ASIC2: variants seen among roughly 807,000 people sequenced by gnomAD.
ASIC2 encodes the protein acid sensing ion channel subunit 2, also known as acid-sensing ion channel 2.
A neutral mutation model predicts 57.3 loss-of-function variants in ASIC2; 25 were observed. The ratio of observed to expected loss-of-function variants is 0.44; its 90% CI spans 0.32 to 0.61. The LOEUF is 0.61. ASIC2 is among the 20% of genes least tolerant of loss of function. ASIC2 has a pLI of 0.06. For missense variants in ASIC2, 641 were observed against 738.1 expected (o/e 0.87, Z 1.52); for synonymous variants, 319 against 307.5 (o/e 1.04, Z -0.39).
intron 1 of ASIC2, among the ~76,000 whole-genome samples, chr17:33,741,034 G>A (rs1338335779): frequency 6.6e-6 from 1 of 152,168 alleles, no homozygotes; most frequent in Non-Finnish European, 1.5e-5. Context: ...TGTGCAGACT[G>A]CCAGGGAAGG....
chr17:33,870,921 T>C (rs1024073582), intron 1 of ASIC2, among the ~76,000 whole-genome samples: 8 of 152,202 alleles, frequency 5.3e-5, no homozygotes, highest in African/African-American at 1.9e-4. Flanking sequence ...AGGCAGGAGC[T>C]AGAGAGATAA....
chr17:33,984,413 T>A (rs1306176726), intron 1 of ASIC2: 4 of 152,180 alleles, frequency 2.6e-5, no homozygotes. Flanking sequence ...GCCCAGCAAT[T>A]TCACTCTGTT....
Position 33,307,958 on chromosome 17 carries a change from G to C in ASIC2, c.556-195891C>G, listed in dbSNP as rs375634943. Among the ~76,000 whole-genome samples, 390 of 152,278 alleles carry C rather than the reference G, an allele frequency of 2.6e-3. 2 individuals carry two copies. Among genetic ancestry groups the C allele is most frequent in the African/African-American group, 9.0e-3 (373 of 41,560 alleles). ...TGCACTTATCTCATAATTGTGCAAC[G>C]GTTGTTAGCTCCTGTTTTAAGATTT... On this transcript the variant is annotated intron_variant, in intron 1 of 9. Coordinates refer to the ASIC2 transcript ENST00000359872.
At chr17:33,419,584 C>T (rs9901960) in intron 1 of ASIC2, among the ~76,000 whole-genome samples, 5 of 152,180 alleles carry the variant, frequency 3.3e-5, no homozygotes, top group African/African-American at 9.7e-5. Flanking sequence ...GAAAATACAG[C>T]AATAGCTATT....
chr17:33,457,683 A>G (rs1912499059), intron 1 of ASIC2, among the ~76,000 whole-genome samples: 1 of 152,182 alleles, frequency 6.6e-6, no homozygotes, highest in African/African-American at 2.4e-5. Context: ...GGTGACGTCA[A>G]CACCTCAACA....
At chr17:33,536,370 A>G (rs1915230134) in intron 1 of ASIC2, among the ~76,000 whole-genome samples, 1 of 152,234 alleles carries the variant, frequency 6.6e-6, no homozygotes, top group African/African-American at 2.4e-5. Context: ...GTGAGAGCCG[A>G]CTGTCAAATT....
chr17:33,685,386 G>C (rs1020066670), intron 1 of ASIC2, among the ~76,000 whole-genome samples: 18 of 152,094 alleles, frequency 1.2e-4, no homozygotes, highest in African/African-American at 4.1e-4. Context: ...CAGCCAGAAG[G>C]CTTCTGTCTC....
Position 33,730,552 on chromosome 17 carries a change from C to G in ASIC2, c.555+425426G>C, listed in dbSNP as rs1399308359. On this transcript the variant is annotated intron_variant, in intron 1 of 9. Coordinates refer to the ASIC2 transcript ENST00000359872. ...GAGTGATCTAAAATTAACATATTGA[C>G]TACTTGAATATAAATGAACCATTCT... is the stretch of plus-strand genomic sequence containing the variant. Among the ~76,000 whole-genome samples, 4 of 152,234 alleles carry G rather than the reference C, an allele frequency of 2.6e-5. No homozygotes were observed. The South Asian group carries it at 6.2e-4, about 24-fold the overall frequency.
intron 1 of ASIC2, among the ~76,000 whole-genome samples, chr17:33,933,668 A>G (rs1217818305): frequency 6.6e-6 from 1 of 152,200 alleles, no homozygotes; most frequent in Non-Finnish European, 1.5e-5. Flanking sequence ...AGAAAATAAA[A>G]CCAAGAGAAA....
chr17:33,724,221 C>T (rs1045022971), intron 1 of ASIC2, among the ~76,000 whole-genome samples: 13 of 152,286 alleles, frequency 8.5e-5, no homozygotes, highest in South Asian at 6.2e-4. Flanking sequence ...CGAGGCCTCC[C>T]CAGCCACGAG....
intron 1 of ASIC2, among the ~76,000 whole-genome samples, chr17:33,832,443 G>A (rs1026513316): frequency 6.6e-6 from 1 of 152,182 alleles, no homozygotes; most frequent in African/African-American, 2.4e-5. Flanking sequence ...TGACCAGAAG[G>A]CCTAATGACA....
intron 1 of ASIC2, among the ~76,000 whole-genome samples, chr17:33,171,440 G>A (rs1905517666): frequency 6.6e-6 from 1 of 152,164 alleles, no homozygotes. Flanking sequence ...CACAAGTGTT[G>A]TCTTTCAACC....
At chr17:33,323,413 G>C (rs1174540562) in intron 1 of ASIC2, among the ~76,000 whole-genome samples, 1 of 152,152 alleles carries the variant, frequency 6.6e-6, no homozygotes, top group Non-Finnish European at 1.5e-5. Context: ...CTAAGGTTGA[G>C]TGAAAGAAGC....
intron 1 of ASIC2, among the ~76,000 whole-genome samples, chr17:33,223,593 G>A (rs1398780887): frequency 1.3e-5 from 2 of 152,358 alleles, no homozygotes; most frequent in African/African-American, 4.8e-5. Context: ...TGTACTTTGT[G>A]AAAAGAGTTC....
rs543676626 is a variant in ASIC2, at chr17:33,551,528, T to TA, written c.556-439462dup. Among the ~76,000 whole-genome samples the TA allele has an allele frequency of 1.5e-3, 233 of 152,300 alleles. 1 individual carries two copies. The highest frequency in any genetic ancestry group is 7.9e-3 in the East Asian group (41 of 5,184). ...GTACCAATGACCAATCAATGGCCAC[T>TA]AAGAATATCTTCTCTAGGATTCTGG... On this transcript the variant is annotated intron_variant, in intron 1 of 9. Coordinates refer to the ASIC2 transcript ENST00000359872.
At chr17:33,953,867 T>A (rs1377043827) in intron 1 of ASIC2, among the ~76,000 whole-genome samples, 1 of 152,118 alleles carries the variant, frequency 6.6e-6, no homozygotes, top group Non-Finnish European at 1.5e-5. Flanking sequence ...GAATAGAAAC[T>A]ATAGATTAAG....
intron 1 of ASIC2, among the ~76,000 whole-genome samples, chr17:33,461,577 G>A (rs769905566): frequency 5.3e-5 from 8 of 152,150 alleles, no homozygotes; most frequent in African/African-American, 9.7e-5. Context: ...GAAAAAGGGC[G>A]CATAATGACA....
At chr17:33,883,979 T>C (rs1914764506) in intron 1 of ASIC2, among the ~76,000 whole-genome samples, 1 of 152,190 alleles carries the variant, frequency 6.6e-6, no homozygotes, top group Admixed American at 6.5e-5. Flanking sequence ...GAGATTCAAA[T>C]TCAGGGAGTC....
chr17:34,129,743 T>A (rs1486574280), intron 1 of ASIC2, among the ~76,000 whole-genome samples: 2 of 152,214 alleles, frequency 1.3e-5, no homozygotes, highest in African/African-American at 4.8e-5. Flanking sequence ...CCTTTTATAA[T>A]GGAATACCTA....
Sources: allele counts gnomAD v4.1 joint callset (sites outside exome capture counted in the v4.1 genomes callset), GRCh38; gene constraint gnomAD v4.1.1; transcripts MANE v1.5; gene names NCBI Gene and HGNC (gene_info 2026-07-23, HGNC 2026-07-21).